Variants in MUC17 observed in about 807,000 individuals in gnomAD.
MUC17 encodes mucin 17, cell surface associated.
MUC17 carries 190 observed loss-of-function variants against 170.3 expected under a neutral mutation model. That is an observed-to-expected ratio of 1.12 (90% CI 0.99 to 1.26). The LOEUF (loss-of-function observed/expected upper bound fraction) is 1.26. Among genes scored for constraint, MUC17 ranks in the 50% most tolerant of loss-of-function variants. The pLI, the probability that MUC17 is intolerant of heterozygous loss-of-function variation, is 0.00. For synonymous variants in MUC17, 2,325 were observed against 2,002.5 expected, an observed-to-expected ratio of 1.16 and a Z score of -4.30; for missense variants, 6,415 against 5,530.0, an observed-to-expected ratio of 1.16 and a Z score of -5.08.
rs1228977842 is a variant in MUC17 at position 101,058,264 on chromosome 7, G to A, written c.*220G>A. 2 of 394,932 alleles carry A rather than the reference G, an allele frequency of 5.1e-6. No individual in the cohort carries two copies. Among genetic ancestry groups the A allele is most frequent in the Non-Finnish European group, 9.1e-6 (2 of 219,466 alleles). 24.5% of individuals were successfully genotyped at this position (394,932 alleles called of 1,614,324 possible). The stretch of plus-strand genomic sequence containing the variant: ...TCCAATGGGCTTGTCATGATATCAG[G>A]CTAGGCTTTCCTGCTCATTTTTCAA... On this transcript the variant is annotated 3_prime_UTR_variant, in exon 13 of 13. Coordinates refer to ENST00000306151, the MANE Select transcript of MUC17 (RefSeq NM_001040105.2).
At chr7:101,055,816 A>G (rs893220346) in intron 11 of MUC17, among the ~76,000 whole-genome samples, 2 of 152,254 alleles carry the variant, frequency 1.3e-5, no homozygotes, top group African/African-American at 2.4e-5. Flanking sequence ...ATCTGACCAT[A>G]ATGCAAGTAT....
At position 101,034,019 on chromosome 7, in the gene MUC17, C is replaced by T. The variant is rs370076003; in HGVS notation, c.2603C>T (p.Thr868Ile). The T allele has an allele frequency of 9.4e-6, 15 of 1,601,708 alleles. No individual in the cohort carries two copies. In the African/African-American group the frequency reaches 1.2e-4, roughly 13 times the overall value. The change falls in exon 3 of 13, where the codon ACA becomes ATA. Residue 868 changes from threonine (T) to isoleucine (I), a missense_variant. Thr to Ile is a moderately conservative substitution (Grantham distance 89, BLOSUM62 -1). Coordinates refer to ENST00000306151, the MANE Select transcript of MUC17 (RefSeq NM_001040105.2). ...TATAGTGAAGGAAGAACTCCTTTAACAAGTATGCCTGTCAGCACCACACTG... is the reference window on the plus strand; with the variant it reads ...TATAGTGAAGGAAGAACTCCTTTAATAAGTATGCCTGTCAGCACCACACTG... ...STYSEGRTPL[T>I]SMPVSTTLVA...
intron 1 of MUC17, among the ~76,000 whole-genome samples, chr7:101,023,684 G>A (rs905360326): frequency 6.6e-6 from 1 of 152,164 alleles, no homozygotes. Flanking sequence ...GGGATTACAG[G>A]CATGAGCCAC....
rs371594833 is a variant in MUC17 at position 101,049,335 on chromosome 7, G to T, written c.12675G>T (p.Val4225=). The T allele has an allele frequency of 8.1e-6, 13 of 1,614,046 alleles. No homozygotes were observed. The highest frequency in any genetic ancestry group is 1.0e-5 in the Non-Finnish European group (12 of 1,180,016). ...KQTFTEQMNI[V]YSGIPEYVGV... ...CCCTTGCCTTTCAGATGAATATTGT[G>T]TATTCCGGGATCCCTGAGTATGTCG... The change falls in exon 6 of 13, where the codon GTG becomes GTT. Residue 4225 remains valine, a synonymous_variant. Coordinates refer to ENST00000306151, the MANE Select transcript of MUC17 (RefSeq NM_001040105.2).
At position 101,038,980 on chromosome 7, in the gene MUC17, G is replaced by C; in HGVS notation, c.7564G>C (p.Val2522Leu). Residue 2522 changes from valine (V) to leucine (L), a missense_variant, in exon 3 of 13, where the codon GTC becomes CTC. Transcript: ENST00000306151. Reference protein sequence around the residue: ...EGSTLLTSIPVSTTPVASPEA... With the variant: ...EGSTLLTSIPLSTTPVASPEA... ...AAGTACTCTATTAACAAGTATACCT[G>C]TCAGCACCACGCCAGTGGCCAGTCC... 1 of 1,614,052 alleles carries C rather than the reference G, an allele frequency of 6.2e-7. No homozygotes were observed. Among genetic ancestry groups the C allele is most frequent in the Non-Finnish European group, 8.5e-7 (1 of 1,180,010 alleles).
At position 101,037,807 on chromosome 7, in the gene MUC17, A is replaced by G. The variant is rs762599323; in HGVS notation, c.6391A>G (p.Ser2131Gly). 3.7e-6 allele frequency: 6 copies of G among 1,613,196 alleles called. No individual in the cohort carries two copies. Among genetic ancestry groups the G allele is most frequent in the Non-Finnish European group, 5.1e-6 (6 of 1,179,490 alleles). Reference sequence around the variant, plus strand: ...TTCAACAACTCCTGTTGACTCCAACAGTCCTGTGATCACTTCTACTGAAGT... The same window carrying G: ...TTCAACAACTCCTGTTGACTCCAACGGTCCTGTGATCACTTCTACTGAAGT... ...TLSTTPVDSN[S>G]PVITSTEVSS... Residue 2131 changes from serine (S) to glycine (G), a missense_variant, in exon 3 of 13, where the codon AGT becomes GGT. Ser to Gly is a moderately conservative substitution (Grantham distance 56). Transcript: ENST00000306151.
chr7:101,030,878 G>A (rs1447517000), intron 1 of MUC17, among the ~76,000 whole-genome samples: 2 of 152,224 alleles, frequency 1.3e-5, no homozygotes, highest in Non-Finnish European at 2.9e-5. Flanking sequence ...GGAACTACGG[G>A]CACATGCCAC....
In MUC17 at chr7:101,041,570, A is replaced by G; in HGVS notation, c.10154A>G (p.Glu3385Gly). The change falls in exon 3 of 13, where the codon GAA (glutamate) becomes GGA (glycine). Residue 3385 changes from glutamate (E) to glycine (G), a missense_variant. By Grantham distance (98) the Glu-to-Gly change is moderately conservative. Transcript: ENST00000306151. ...TEASLSPTTAEGTSIPTSSPS... is the reference protein window; with the variant it reads ...TEASLSPTTAGGTSIPTSSPS... ...GCCAGTTTATCTCCTACAACTGCTG[A>G]AGGTACCAGCATACCAACCTCAAGT... 1 of 1,613,248 alleles carries G rather than the reference A, an allele frequency of 6.2e-7. No homozygotes were observed. The highest frequency in any genetic ancestry group is 8.5e-7 in the Non-Finnish European group (1 of 1,179,868).
In MUC17 at chr7:101,038,063, G is replaced by C; in HGVS notation, c.6647G>C (p.Ser2216Thr). 2 of 1,407,028 alleles carry C rather than the reference G, an allele frequency of 1.4e-6. No homozygotes were observed. The highest frequency in any genetic ancestry group is 9.5e-7 in the Non-Finnish European group (1 of 1,050,740). 87.2% of individuals were successfully genotyped at this position (1,407,028 alleles called of 1,614,324 possible). ...EGTSMPTSTPSEGSTPFTSMP... is the reference protein window; with the variant it reads ...EGTSMPTSTPTEGSTPFTSMP... The stretch of plus-strand genomic sequence containing the variant: ...ACCAGCATGCCAACCTCAACTCCTA[G>C]TGAAGGAAGCACTCCATTCACAAGT... The change falls in exon 3 of 13, where the codon AGT (serine) becomes ACT (threonine). Residue 2216 changes from serine to threonine, a missense_variant. Transcript: ENST00000306151.
chr7:101,040,896 T>A lies in MUC17; in HGVS notation c.9480T>A (p.Ser3160Arg). ...EGTSMPTSTPSEGSTPLTYMP... is the reference protein window; with the variant it reads ...EGTSMPTSTPREGSTPLTYMP... ...CCAGCATGCCAACCTCAACTCCTAG[T>A]GAAGGAAGTACTCCATTAACATATA... The change falls in exon 3 of 13, where the codon AGT becomes AGA. Residue 3160 changes from serine to arginine, a missense_variant. Transcript: ENST00000306151. 1 of 1,613,340 alleles carries A rather than the reference T, an allele frequency of 6.2e-7. No individual in the cohort carries two copies. The highest frequency in any genetic ancestry group is 8.5e-7 in the Non-Finnish European group (1 of 1,179,858).
Position 101,048,746 on chromosome 7 carries a change from T to TA in MUC17, c.12536-95dup, listed in dbSNP as rs375441766. On this transcript the variant is annotated intron_variant, in intron 4 of 12. Transcript: ENST00000306151. ...ACAAATTTGGCACAAAATTTTACCA[T>TA]AAAATACAATGGAGCTCACTCCCTC... 6,684 of 1,373,088 alleles carry TA rather than the reference T, an allele frequency of 4.9e-3. 33 individuals are homozygous for TA. The highest frequency in any genetic ancestry group is 6.8e-3 in the Middle Eastern group (35 of 5,132). The allele number at this position is 1,373,088 out of a possible 1,614,324, so 85.1% of individuals were successfully genotyped here. A position where few individuals can be genotyped will look rare whatever the true frequency, so the allele number is the denominator to read the frequency against.
Position 101,036,206 on chromosome 7 carries a change from CT to C in MUC17, c.4791del (p.Ile1598LeufsTer7), listed in dbSNP as rs771325274. 1.9e-6 allele frequency: 3 copies of C among 1,614,086 alleles called. No homozygotes were observed. In the South Asian group the frequency reaches 3.3e-5, roughly 18 times the overall value. On this transcript the variant is annotated frameshift_variant, in exon 3 of 13. Coordinates refer to ENST00000306151, the MANE Select transcript of MUC17 (RefSeq NM_001040105.2). LOFTEE classifies it high-confidence loss of function. ...SSEANTLSTTPIDSKTQVTAS... is the reference protein window; with the variant it reads ...SSEANTLSTTXIDSKTQVTAS... ...GAGGCTAACACCCTTTCAACAACCCCTATTGACTCCAAAACTCAGGTGACCG... is the reference window on the plus strand; with the variant it reads ...GAGGCTAACACCCTTTCAACAACCCCATTGACTCCAAAACTCAGGTGACCG...
chr7:101,057,963 C>T, intron 12 of MUC17, 40 bp from the exon 13 acceptor site: 2 of 1,599,996 alleles, frequency 1.3e-6, no homozygotes, highest in Non-Finnish European at 1.7e-6. Context: ...CCAAATTCCT[C>T]ATGGGCTGAG....
intron 3 of MUC17, among the ~76,000 whole-genome samples, chr7:101,047,653 A>G (rs970986024): frequency 2.0e-5 from 3 of 152,058 alleles, no homozygotes; most frequent in Non-Finnish European, 4.4e-5. Context: ...AAACTGGTGA[A>G]ACCCCGTCTC....
In MUC17 at chr7:101,040,355, C is replaced by T. The variant is rs375755603; in HGVS notation, c.8939C>T (p.Ser2980Leu). 9.9e-6 allele frequency: 16 copies of T among 1,612,702 alleles called. No individual in the cohort carries two copies. The East Asian group carries it at 1.8e-4, about 18-fold the overall frequency. ...TTAEGTSMPISTPGERRTPLT... is the reference protein window; with the variant it reads ...TTAEGTSMPILTPGERRTPLT... ...GCTGAAGGTACCAGCATGCCAATCT[C>T]AACTCCTGGCGAAAGAAGAACTCCA... The change falls in exon 3 of 13, where the codon TCA (serine) becomes TTA (leucine). Residue 2980 changes from serine (S) to leucine (L), a missense_variant. Coordinates refer to ENST00000306151, the MANE Select transcript of MUC17 (RefSeq NM_001040105.2).
chr7:101,056,326 C>T (rs1310928222), intron 12 of MUC17, 56 bp downstream of exon 12: 8 of 1,602,186 alleles, frequency 5.0e-6, no homozygotes, highest in Admixed American at 3.4e-5. Context: ...CTTTCTTCTT[C>T]TCCTTTCCTA....
intron 6 of MUC17, among the ~76,000 whole-genome samples, chr7:101,050,047 C>T (rs569599049): frequency 1.5e-4 from 23 of 152,298 alleles, no homozygotes; most frequent in African/African-American, 5.1e-4. Context: ...AGGAGGATCA[C>T]GTGAGCCCAG....
Position 101,048,278 on chromosome 7 carries a change from A to G in MUC17, c.12535+163A>G, listed in dbSNP as rs570120506. ...TTTTGTTTTGTTTCCACCCAGTGCT[A>G]TGAATGCTAAAGCATTACAAAATGA... is the stretch of plus-strand genomic sequence containing the variant. On this transcript the variant is annotated intron_variant, in intron 4 of 12. Transcript: ENST00000306151. 82 of 623,030 alleles carry G rather than the reference A, an allele frequency of 1.3e-4. 2 individuals are homozygous for G. The South Asian group carries it at 3.2e-3, about 24-fold the overall frequency. The allele number at this position is 623,030 out of a possible 1,614,324, so 38.6% of individuals were successfully genotyped here.
intron 1 of MUC17, among the ~76,000 whole-genome samples, chr7:101,022,776 A>G (rs1192606300): frequency 6.6e-6 from 1 of 151,902 alleles, no homozygotes; most frequent in African/African-American, 2.4e-5. Context: ...TGATTGCACT[A>G]CTGCACTCCA....
Sources: allele counts gnomAD v4.1 joint callset (sites outside exome capture counted in the v4.1 genomes callset), GRCh38; gene constraint gnomAD v4.1.1; transcripts MANE v1.5; gene names NCBI Gene and HGNC (gene_info 2026-07-23, HGNC 2026-07-21).